Variants in ANO3 observed in about 807,000 individuals in gnomAD.
ANO3 encodes anoctamin 3, also known as anoctamin-3.
ANO3 carries 99 observed loss-of-function variants against 144.8 expected under a neutral mutation model. The observed-to-expected ratio is 0.68, with a 90% CI of 0.58 to 0.81. The LOEUF is 0.81. Ranked by LOEUF, ANO3 falls within the 30% of genes least tolerant of loss-of-function variation. ANO3 has a pLI of 0.00. For synonymous variants in ANO3, 414 were observed against 392.6 expected, an observed-to-expected ratio of 1.05 and a Z score of -0.64; for missense variants, 905 against 1,202.2, an observed-to-expected ratio of 0.75 and a Z score of 3.66.
rs991262285 is a variant in ANO3 at position 26,591,837 on chromosome 11, C to T, written c.1448-6528C>T. ...TACCCAGCATTGTCTCCTGGATTTTCGGGCTCCTTTGGCAGTATCCAGGGT... is the reference window on the plus strand; with the variant it reads ...TACCCAGCATTGTCTCCTGGATTTTTGGGCTCCTTTGGCAGTATCCAGGGT... On this transcript the variant is annotated intron_variant, in intron 14 of 26. Transcript: ENST00000256737. Among the ~76,000 whole-genome samples the T allele has an allele frequency of 2.0e-5, 3 of 152,136 alleles. No individual in the cohort carries two copies. The South Asian group carries it at 6.2e-4, about 32-fold the overall frequency.
rs535953481 is a variant in ANO3 at position 26,552,576 on chromosome 11, G to A, written c.1290-673G>A. On this transcript the variant is annotated intron_variant, in intron 12 of 26. Coordinates refer to ENST00000256737, the MANE Select transcript of ANO3 (RefSeq NM_031418.4). ...TTCGGAAATTGTTATTGATGTGTTA[G>A]TGCTGTCACAAAGTCATCTAAAATG... Among the ~76,000 whole-genome samples, 15 of 152,176 alleles carry A rather than the reference G, an allele frequency of 9.9e-5. No individual in the cohort carries two copies. In the South Asian group the frequency reaches 2.7e-3, roughly 27 times the overall value.
chr11:26,591,171 A>T (rs1851439527), intron 14 of ANO3, among the ~76,000 whole-genome samples: 1 of 152,102 alleles, frequency 6.6e-6, no homozygotes. Flanking sequence ...AGGAATTCTT[A>T]GTCAGCCTAG....
intron 8 of ANO3, among the ~76,000 whole-genome samples, chr11:26,533,202 G>A (rs9988920): frequency 0.56 from 85,136 of 151,952 alleles, 24,757 homozygotes; most frequent in East Asian, 0.79. Context: ...AAGAGAGAGA[G>A]CAGCACATCC....
chr11:26,399,070 A>T (rs1183406257), intron 1 of ANO3, among the ~76,000 whole-genome samples: 1 of 151,756 alleles, frequency 6.6e-6, no homozygotes, highest in Non-Finnish European at 1.5e-5. Flanking sequence ...TTTCACTCCT[A>T]TTTACCACAG....
intron 1 of ANO3, among the ~76,000 whole-genome samples, chr11:26,289,076 G>A (rs1458139166): frequency 1.3e-5 from 2 of 151,972 alleles, no homozygotes; most frequent in Admixed American, 6.6e-5. Context: ...GGAATATGGA[G>A]GTAAACCATA....
Position 26,559,813 on chromosome 11 carries a change from T to C in ANO3, c.1447+34T>C, listed in dbSNP as rs1850210448. 2.8e-6 allele frequency: 4 copies of C among 1,415,496 alleles called. No homozygotes were observed. In the South Asian group the frequency reaches 4.6e-5, roughly 16 times the overall value. 87.7% of individuals were successfully genotyped at this position (1,415,496 alleles called of 1,614,324 possible). A position where few individuals can be genotyped will look rare whatever the true frequency, so the allele number is the denominator to read the frequency against. On this transcript the variant is annotated intron_variant, in intron 14 of 26. Coordinates refer to ENST00000256737, the MANE Select transcript of ANO3 (RefSeq NM_031418.4). The stretch of plus-strand genomic sequence containing the variant: ...TTTCTTCATTACTTTCTATCCCTTA[T>C]TTTCTGAAGCTGTTTCTGTGTTACA...
At position 26,624,475 on chromosome 11, in the gene ANO3, T is replaced by A; in HGVS notation, c.1850T>A (p.Ile617Asn). 6.2e-7 allele frequency: 1 copy of A among 1,606,556 alleles called. No individual in the cohort carries two copies. The highest frequency in any genetic ancestry group is 1.3e-5 in the African/African-American group (1 of 74,884). Residue 617 changes from isoleucine (I) to asparagine (N), a missense_variant, in exon 18 of 27, where the codon ATT becomes AAT. This residue lies in a region of ANO3 where 597 missense variants were observed against 865.1 expected (regional missense o/e 0.69). Coordinates refer to ENST00000256737, the MANE Select transcript of ANO3 (RefSeq NM_031418.4). Reference protein sequence around the residue: ...IMLLNLAYEKIAYLLTNLEYP... With the variant: ...IMLLNLAYEKNAYLLTNLEYP... ...CTTTTATTACAGGCTTATGAAAAAA[T>A]TGCTTACCTCCTCACCAATTTAGGT... is the stretch of plus-strand genomic sequence containing the variant.
chr11:26,457,725 G>C (rs1219524083), intron 3 of ANO3, among the ~76,000 whole-genome samples: 1 of 152,070 alleles, frequency 6.6e-6, no homozygotes, highest in Non-Finnish European at 1.5e-5. Context: ...TTGCCACTAT[G>C]TCAGCCTTTG....
At chr11:26,208,512 CAAAAAA>C (rs67196052) in intron 1 of ANO3, among the ~76,000 whole-genome samples, 2 of 121,732 alleles carry the variant, frequency 1.6e-5, no homozygotes. Context: ...GACTCCGTCT[CAAAAAA>C]AAAAAAAAAG....
chr11:26,426,965 CTG>C (rs1270693597), intron 1 of ANO3: 1 of 152,234 alleles, frequency 6.6e-6, no homozygotes, highest in African/African-American at 2.4e-5. Context: ...GTAAAGCAGT[CTG>C]TGTATGTGAA....
intron 1 of ANO3, among the ~76,000 whole-genome samples, chr11:26,254,839 A>G (rs1853018475): frequency 6.6e-6 from 1 of 152,180 alleles, no homozygotes; most frequent in Non-Finnish European, 1.5e-5. Flanking sequence ...AGGTTATCAT[A>G]TTCCCGGCAT....
intron 1 of ANO3, among the ~76,000 whole-genome samples, chr11:26,437,171 C>T (rs1858326350): frequency 6.6e-6 from 1 of 152,308 alleles, no homozygotes; most frequent in East Asian, 1.9e-4. Context: ...CCCCTGGACT[C>T]AGCTTCTTTC....
intron 18 of ANO3, among the ~76,000 whole-genome samples, chr11:26,631,210 G>T (rs1852767744): frequency 6.6e-6 from 1 of 151,634 alleles, no homozygotes; most frequent in Non-Finnish European, 1.5e-5. Context: ...CTCATAACTA[G>T]ACTTCATAAA....
Position 26,648,424 on chromosome 11 carries a change from C to T in ANO3, c.2576+568C>T, listed in dbSNP as rs529956562. On this transcript the variant is annotated intron_variant, in intron 24 of 26. Coordinates refer to ENST00000256737, the MANE Select transcript of ANO3 (RefSeq NM_031418.4). ...AGTTTCTCAGCCTCTGCACTATTGA[C>T]GTTTTAGATCAGGTAATTCTGTCTT... is the stretch of plus-strand genomic sequence containing the variant. Among the ~76,000 whole-genome samples the T allele has an allele frequency of 5.9e-5, 9 of 152,228 alleles. No homozygotes were observed. The East Asian group carries it at 1.2e-3, about 20-fold the overall frequency.
chr11:26,321,447 A>G (rs1349326830), intron 1 of ANO3, among the ~76,000 whole-genome samples: 1 of 152,132 alleles, frequency 6.6e-6, no homozygotes, highest in East Asian at 1.9e-4. Flanking sequence ...ACTTAGATAA[A>G]TAAATAGATA....
intron 25 of ANO3, 40 bp from the exon 26 acceptor site, chr11:26,656,336 G>T: frequency 6.6e-7 from 1 of 1,509,882 alleles, no homozygotes; most frequent in African/African-American, 1.4e-5. Context: ...TCCACTCTTT[G>T]ATCTCTATTT....
At chr11:26,557,128 G>A (rs181705948) in intron 13 of ANO3, among the ~76,000 whole-genome samples, 20 of 152,206 alleles carry the variant, frequency 1.3e-4, no homozygotes, top group African/African-American at 4.6e-4. Flanking sequence ...TTTAGGCTAA[G>A]TTTGCTACCT....
chr11:26,214,590 A>T (rs1242886497), intron 1 of ANO3, among the ~76,000 whole-genome samples: 1 of 151,980 alleles, frequency 6.6e-6, no homozygotes, highest in East Asian at 1.9e-4. Flanking sequence ...ATCTCAATGT[A>T]GTATCTGAAA....
At chr11:26,564,416 G>A (rs115891049) in intron 14 of ANO3, among the ~76,000 whole-genome samples, 5,100 of 114,646 alleles carry the variant, frequency 0.044, 122 homozygotes, top group Non-Finnish European at 0.061. Context: ...TGAGTTCTTG[G>A]AGGAAAACAA....
Sources: allele counts gnomAD v4.1 joint callset (sites outside exome capture counted in the v4.1 genomes callset), GRCh38; gene constraint gnomAD v4.1.1; regional missense constraint gnomAD v4.1.1; transcripts MANE v1.5; gene names NCBI Gene and HGNC (gene_info 2026-07-23, HGNC 2026-07-21).